Variants in RGS6 observed in about 807,000 individuals in gnomAD.
The protein encoded by RGS6 is regulator of G protein signaling 6, also known as regulator of G-protein signaling 6.
A neutral mutation model predicts 78.5 loss-of-function variants in RGS6; 30 were observed. That is an observed-to-expected ratio of 0.38 (90% CI 0.29 to 0.52). RGS6 has a LOEUF of 0.52. Among genes scored for constraint, RGS6 ranks in the 20% least tolerant of loss-of-function variants. The probability of loss-of-function intolerance (pLI) is 0.85; values close to 1 mark genes in which losing one functional copy is unlikely to be tolerated. For synonymous variants in RGS6, 206 were observed against 206.0 expected (o/e 1.00, Z 0.00); for missense variants, 495 against 609.7 (o/e 0.81, Z 1.98).
At chr14:72,284,893 G>T (rs1357532738) in intron 2 of RGS6, among the ~76,000 whole-genome samples, 1 of 152,230 alleles carries the variant, frequency 6.6e-6, no homozygotes, top group Non-Finnish European at 1.5e-5. Flanking sequence ...TGACCTGAAT[G>T]TGAGACACAG....
chr14:72,187,427 C>T (rs1314516040), intron 2 of RGS6, among the ~76,000 whole-genome samples: 2 of 152,166 alleles, frequency 1.3e-5, no homozygotes, highest in Non-Finnish European at 1.5e-5. Flanking sequence ...TGGTTGTTAG[C>T]TCTGCCATAA....
chr14:72,181,581 T>A (rs942219929), intron 2 of RGS6, among the ~76,000 whole-genome samples: 2 of 152,218 alleles, frequency 1.3e-5, no homozygotes, highest in Non-Finnish European at 2.9e-5. Flanking sequence ...AGGACTAAAC[T>A]GATTCCTTCT....
chr14:72,368,010 T>C (rs961505522), intron 3 of RGS6, among the ~76,000 whole-genome samples: 1 of 152,228 alleles, frequency 6.6e-6, no homozygotes, highest in African/African-American at 2.4e-5. Flanking sequence ...TCTGAGTTAA[T>C]TTAGGCCACC....
intron 2 of RGS6, among the ~76,000 whole-genome samples, chr14:72,118,749 A>T (rs1207260804): frequency 6.6e-6 from 1 of 152,244 alleles, no homozygotes; most frequent in Non-Finnish European, 1.5e-5. Flanking sequence ...TGAGATAAAA[A>T]GTTAATTTCT....
At chr14:72,436,088 A>C (rs895420389) in intron 3 of RGS6, among the ~76,000 whole-genome samples, 1 of 152,074 alleles carries the variant, frequency 6.6e-6, no homozygotes, top group African/African-American at 2.4e-5. Context: ...TCTAAAGCTG[A>C]GATATGATGG....
At chr14:72,034,759 T>C (rs2091434659) in intron 2 of RGS6, among the ~76,000 whole-genome samples, 1 of 152,202 alleles carries the variant, frequency 6.6e-6, no homozygotes, top group African/African-American at 2.4e-5. Flanking sequence ...CTTTAAATGT[T>C]TGATATAATT....
At chr14:72,255,353 ACTGGCCTCTAG>A (rs1450032141) in intron 2 of RGS6, among the ~76,000 whole-genome samples, 8 of 152,160 alleles carry the variant, frequency 5.3e-5, no homozygotes, top group Non-Finnish European at 7.3e-5. Flanking sequence ...AGGGGAACTG[ACTGGCCTCTAG>A]CTAGGGCCTC....
At chr14:72,480,663 C>G (rs1488829872) in intron 12 of RGS6, among the ~76,000 whole-genome samples, 1 of 152,080 alleles carries the variant, frequency 6.6e-6, no homozygotes, top group Non-Finnish European at 1.5e-5. Flanking sequence ...GGAGCCGGGC[C>G]TGTCAGTGGC....
chr14:72,520,218 A>C (rs535437754), intron 15 of RGS6, among the ~76,000 whole-genome samples: 2 of 152,078 alleles, frequency 1.3e-5, no homozygotes, highest in Non-Finnish European at 2.9e-5. Flanking sequence ...TCCCTTCCTC[A>C]CATCCCCTTG....
intron 2 of RGS6, among the ~76,000 whole-genome samples, chr14:72,302,794 A>G (rs1214775818): frequency 1.3e-5 from 2 of 152,142 alleles, no homozygotes; most frequent in Non-Finnish European, 2.9e-5. Context: ...GTCCCCAGCC[A>G]GATCTCATCT....
chr14:72,038,207 C>A (rs1021322094), intron 2 of RGS6, among the ~76,000 whole-genome samples: 2 of 152,044 alleles, frequency 1.3e-5, no homozygotes, highest in African/African-American at 2.4e-5. Flanking sequence ...TGGCCTCAAT[C>A]AATCCGCCTG....
chr14:72,439,237 G>A (rs749315059), intron 3 of RGS6, among the ~76,000 whole-genome samples: 1 of 152,200 alleles, frequency 6.6e-6, no homozygotes, highest in Non-Finnish European at 1.5e-5. Flanking sequence ...GACCACATCT[G>A]TTTCTGTCTC....
the RGS6 span, among the ~76,000 whole-genome samples, chr14:72,603,168 T>C: frequency 2.0e-5 from 3 of 152,240 alleles, no homozygotes; most frequent in African/African-American, 7.2e-5. Context: ...GAGATCATTT[T>C]CATAATTTAT....
chr14:72,256,724 A>G (rs986949490), intron 2 of RGS6, among the ~76,000 whole-genome samples: 2 of 152,182 alleles, frequency 1.3e-5, no homozygotes, highest in African/African-American at 4.8e-5. Context: ...TATCCAGAAG[A>G]GTTAGCTTGG....
chr14:72,192,980 GTTTT>G (rs35795281), intron 2 of RGS6, among the ~76,000 whole-genome samples: 4 of 140,178 alleles, frequency 2.9e-5, no homozygotes, highest in African/African-American at 5.2e-5. Context: ...GCTGGGTTGG[GTTTT>G]TTTTTTTTTT....
rs1308196515 is a variant in RGS6 at position 72,563,628 on chromosome 14, C to T, written c.*1161C>T. The T allele has an allele frequency of 6.6e-6, 1 of 152,300 alleles. No individual in the cohort carries two copies. Among genetic ancestry groups the T allele is most frequent in the Non-Finnish European group, 1.5e-5 (1 of 68,102 alleles). The allele number at this position is 152,300 out of a possible 1,614,324, so 9.4% of individuals were successfully genotyped here. On this transcript the variant is annotated 3_prime_UTR_variant, in exon 18 of 18. Transcript: ENST00000553525. ...CACCTAGGGGAAATGCAAAAACCTG[C>T]AAAAGATCCACCTGTATTCCCTGTG...
chr14:71,975,015 A>T (rs940552917), intron 2 of RGS6, among the ~76,000 whole-genome samples: 1 of 152,170 alleles, frequency 6.6e-6, no homozygotes, highest in Non-Finnish European at 1.5e-5. Context: ...TTAGCTGTGC[A>T]TGTTAGTACA....
rs552811123 is a variant in RGS6 at position 72,467,383 on chromosome 14, C to T, written c.459+1561C>T. 9.2e-5 allele frequency among the ~76,000 whole-genome samples: 14 copies of T among 152,270 alleles called. No homozygotes were observed. The South Asian group carries it at 1.5e-3, about 16-fold the overall frequency. On this transcript the variant is annotated intron_variant, in intron 7 of 17. Coordinates refer to ENST00000553525, the MANE Select transcript of RGS6 (RefSeq NM_001204424.2). ...TAACAGCATCTTCAGACCCACCCAC[C>T]GCCAAAGCCCTTCCTGCTTTTACTG...
the RGS6 span, among the ~76,000 whole-genome samples, chr14:71,869,889 C>G: frequency 6.6e-6 from 1 of 152,216 alleles, no homozygotes; most frequent in Admixed American, 6.5e-5. Flanking sequence ...ACCTTTTACT[C>G]TCTTGCCCTC....
Sources: allele counts gnomAD v4.1 joint callset (sites outside exome capture counted in the v4.1 genomes callset), GRCh38; gene constraint gnomAD v4.1.1; transcripts MANE v1.5; gene names NCBI Gene and HGNC (gene_info 2026-07-23, HGNC 2026-07-21).